Variants in POM121C observed in about 807,000 individuals in gnomAD.
POM121C encodes the protein nuclear envelope pore membrane protein POM 121C.
In POM121C, 20 loss-of-function variants were observed where a neutral mutation model predicts 66.4. The ratio of observed to expected loss-of-function variants is 0.30; its 90% confidence interval spans 0.21 to 0.44. The LOEUF (loss-of-function observed/expected upper bound fraction) is 0.44. Ranked by LOEUF, POM121C falls within the 20% of genes least tolerant of loss-of-function variation. POM121C has a pLI of 1.00. For missense variants in POM121C, 580 were observed against 1,225.7 expected (o/e 0.47, Z 7.87); for synonymous variants, 286 against 528.0 (o/e 0.54, Z 6.28).
chr7:75,455,162 C>A lies in POM121C; in HGVS notation c.-151-13515G>T, dbSNP rs369372360. 4.7e-4 allele frequency among the ~76,000 whole-genome samples: 72 copies of A among 152,276 alleles called. No homozygotes were observed. The East Asian group carries it at 0.013, about 28-fold the overall frequency. ...AGTCTGGTTCATGTGCTTCTCCAGA[C>A]ACAATTTCAACACGGCTGTAGGCAT... On this transcript the variant is annotated intron_variant, in intron 3 of 14. Transcript: ENST00000615331.
At chr7:75,442,373 G>A in intron 3 of POM121C, 3 of 1,440,004 alleles carry the variant, frequency 2.1e-6, no homozygotes, top group African/African-American at 1.5e-5. Context: ...GGCAGGGTCA[G>A]GTCCTTCGAG....
At chr7:75,473,578 A>G (rs1359303471) in intron 3 of POM121C, among the ~76,000 whole-genome samples, 1 of 152,248 alleles carries the variant, frequency 6.6e-6, no homozygotes, top group Non-Finnish European at 1.5e-5. Flanking sequence ...CTGTGACTCA[A>G]TTCACAAGCA....
Position 75,417,306 on chromosome 7 carries a change from C to G in POM121C, c.*1490G>C. ...GCCGGGGACAGCATTTGAGCCTCTT[C>G]TTTGCACAGGCATAACTTAACTATA... On this transcript the variant is annotated 3_prime_UTR_variant, in exon 15 of 15. Transcript: ENST00000615331. 1.0e-5 allele frequency: 9 copies of G among 875,436 alleles called. No individual in the cohort carries two copies. The highest frequency in any genetic ancestry group is 1.2e-5 in the Non-Finnish European group (9 of 729,426). 54.2% of individuals were successfully genotyped at this position (875,436 alleles called of 1,614,324 possible).
At chr7:75,433,927 A>G (rs1790290981) in intron 7 of POM121C, among the ~76,000 whole-genome samples, 1 of 152,218 alleles carries the variant, frequency 6.6e-6, no homozygotes, top group Non-Finnish European at 1.5e-5. Flanking sequence ...TGTGTGTAGG[A>G]TAACTTCCTA....
intron 1 of POM121C, among the ~76,000 whole-genome samples, chr7:75,475,855 C>G (rs1352287772): frequency 1.3e-5 from 2 of 152,116 alleles, no homozygotes; most frequent in African/African-American, 4.8e-5. Context: ...TTTATGCCAT[C>G]AGATTAGGCT....
Position 75,422,170 on chromosome 7 carries a change from C to G in POM121C, c.2082G>C (p.Pro694=). Residue 694 remains proline (P), a synonymous_variant, in exon 13 of 15, where the codon CCG becomes CCC. Coordinates refer to ENST00000615331, the MANE Select transcript of POM121C (RefSeq NM_001099415.3). ...NIPFGSSAKS[P]LPSYPGANPQ... The stretch of plus-strand genomic sequence containing the variant: ...GGTTGGCTCCCGGATATGATGGGAG[C>G]GGGGACTTGGCGCTTGAGCCAAAGG... 1.2e-6 allele frequency: 2 copies of G among 1,606,138 alleles called. No individual in the cohort carries two copies. The highest frequency in any genetic ancestry group is 1.1e-5 in the South Asian group (1 of 90,406).
intron 6 of POM121C, 104 bp downstream of exon 6, chr7:75,439,040 A>C: frequency 7.9e-7 from 1 of 1,271,634 alleles, no homozygotes; most frequent in South Asian, 1.3e-5. Flanking sequence ...AACCTGAACT[A>C]ATTAAGCAAT....
intron 2 of POM121C, 46 bp from the exon 3 acceptor site, chr7:75,474,928 C>T (rs1423945757): frequency 8.3e-5 from 88 of 1,065,262 alleles, no homozygotes; most frequent in Middle Eastern, 6.4e-4. Flanking sequence ...AAAGTTAGAA[C>T]CTTTCAATGA....
At chr7:75,430,386 G>A in intron 7 of POM121C, among the ~76,000 whole-genome samples, 1 of 152,238 alleles carries the variant, frequency 6.6e-6, no homozygotes, top group Middle Eastern at 3.4e-3. Flanking sequence ...TTAGACAAAG[G>A]CAGTGCTGCA....
At chr7:75,450,719 G>A (rs1183095305) in intron 3 of POM121C, among the ~76,000 whole-genome samples, 22 of 152,212 alleles carry the variant, frequency 1.4e-4, no homozygotes, top group African/African-American at 4.8e-4. Context: ...GTCACTAAAC[G>A]TATGTACTAC....
intron 3 of POM121C, among the ~76,000 whole-genome samples, chr7:75,462,976 G>A (rs1264796946): frequency 6.6e-6 from 1 of 152,072 alleles, no homozygotes; most frequent in African/African-American, 2.4e-5. Flanking sequence ...GCTTTCATCT[G>A]TGGCTCCTCT....
chr7:75,423,735 T>A (rs1276571644), intron 12 of POM121C, among the ~76,000 whole-genome samples: 2 of 152,104 alleles, frequency 1.3e-5, no homozygotes, highest in Non-Finnish European at 2.9e-5. Context: ...GGCAAGGATA[T>A]CCTGACCACG....
intron 5 of POM121C, among the ~76,000 whole-genome samples, chr7:75,440,296 C>T (rs1284635024): frequency 6.6e-6 from 1 of 151,196 alleles, no homozygotes; most frequent in African/African-American, 2.4e-5. Context: ...GGCCGGGCGC[C>T]ATGGCTCAAG....
In POM121C at chr7:75,418,086, G is replaced by A. The variant is rs1193012200; in HGVS notation, c.*710C>T. 3.8e-6 allele frequency: 2 copies of A among 528,634 alleles called. No homozygotes were observed. The highest frequency in any genetic ancestry group is 4.7e-5 in the African/African-American group (2 of 42,942). The allele number at this position is 528,634 out of a possible 1,614,324, so 32.7% of individuals were successfully genotyped here. A position where few individuals can be genotyped will look rare whatever the true frequency, so the allele number is the denominator to read the frequency against. On this transcript the variant is annotated 3_prime_UTR_variant, in exon 15 of 15. Transcript: ENST00000615331. The stretch of plus-strand genomic sequence containing the variant: ...CCAAGAGCTTCTCCCTTCACCCCTG[G>A]CTCTGCCAGGCTAACAGTCTTGAGC...
rs1230077974 is a variant in POM121C at position 75,469,988 on chromosome 7, A to T, written c.-152+4716T>A. ...TGGTTTATTATTGTTACTTTTTGAG[A>T]CAGTGTCTTGCTCTGTTGCCCAGGA... On this transcript the variant is annotated intron_variant, in intron 3 of 14. Coordinates refer to ENST00000615331, the MANE Select transcript of POM121C (RefSeq NM_001099415.3). Among the ~76,000 whole-genome samples, 20 of 152,286 alleles carry T rather than the reference A, an allele frequency of 1.3e-4. 1 individual carries two copies. The highest frequency in any genetic ancestry group is 8.3e-4 in the South Asian group (4 of 4,830).
At chr7:75,450,948 C>G (rs1791002095) in intron 3 of POM121C, among the ~76,000 whole-genome samples, 1 of 152,036 alleles carries the variant, frequency 6.6e-6, no homozygotes, top group Non-Finnish European at 1.5e-5. Flanking sequence ...ACTTAGCAGA[C>G]AAAGACTTTT....
At chr7:75,473,719 C>T (rs186798505) in intron 3 of POM121C, among the ~76,000 whole-genome samples, 3,717 of 151,034 alleles carry the variant, frequency 0.025, 139 homozygotes, top group African/African-American at 0.086. Flanking sequence ...GACGGAGTCT[C>T]GCTCTGTCGC....
intron 3 of POM121C, among the ~76,000 whole-genome samples, chr7:75,453,678 T>C (rs1336028013): frequency 1.3e-5 from 2 of 150,796 alleles, no homozygotes; most frequent in African/African-American, 2.4e-5. Flanking sequence ...ATCTAAAACA[T>C]AGTGGCAAAA....
At chr7:75,469,576 A>G (rs1362948634) in intron 3 of POM121C, among the ~76,000 whole-genome samples, 1 of 152,182 alleles carries the variant, frequency 6.6e-6, no homozygotes, top group African/African-American at 2.4e-5. Flanking sequence ...TTTTAAAAAC[A>G]CTAAGTTGAA....
Sources: allele counts gnomAD v4.1 joint callset (sites outside exome capture counted in the v4.1 genomes callset), GRCh38; gene constraint gnomAD v4.1.1; transcripts MANE v1.5; gene names NCBI Gene and HGNC (gene_info 2026-07-23, HGNC 2026-07-21).